ADGB: variants seen among roughly 807,000 people sequenced by gnomAD.
ADGB encodes the protein androglobin.
A neutral mutation model predicts 210.5 loss-of-function variants in ADGB; 172 were observed. That is an observed-to-expected ratio of 0.82 (90% CI 0.72 to 0.93). The LOEUF (loss-of-function observed/expected upper bound fraction) is 0.93, where lower values mean the gene tolerates loss of function less well. Ranked by LOEUF, ADGB falls within the 40% of genes least tolerant of loss-of-function variation. The pLI is 0.00. For synonymous variants in ADGB, 658 were observed against 662.7 expected (o/e 0.99, Z 0.11); for missense variants, 2,025 against 1,964.8 (o/e 1.03, Z -0.58).
chr6:146,761,676 G>A (rs1010587323), intron 27 of ADGB, among the ~76,000 whole-genome samples: 1 of 151,924 alleles, frequency 6.6e-6, no homozygotes, highest in Non-Finnish European at 1.5e-5. Context: ...TTTATTTTTA[G>A]TGGTGCTCTA....
At chr6:146,628,158 C>T (rs1781006178) in intron 1 of ADGB, among the ~76,000 whole-genome samples, 1 of 151,202 alleles carries the variant, frequency 6.6e-6, no homozygotes, top group Admixed American at 6.6e-5. Flanking sequence ...TAATATATCA[C>T]AGGTTTGGAT....
Position 146,726,158 on chromosome 6 carries a change from C to T in ADGB, c.2313C>T (p.Val771=), listed in dbSNP as rs1776891940. The change falls in exon 19 of 36, where the codon GTC becomes GTT. Residue 771 remains valine, a synonymous_variant. Transcript: ENST00000397944. ...SIHICSMVSF[V]IGDEHVVLPN... The stretch of plus-strand genomic sequence containing the variant: ...ACATCTGCAGCATGGTGTCATTTGT[C>T]ATTGGGGATGAACACGTTGTACTGC... 1.9e-6 allele frequency: 3 copies of T among 1,550,044 alleles called. No homozygotes were observed. The highest frequency in any genetic ancestry group is 2.4e-5 in the South Asian group (2 of 83,970).
At chr6:146,803,084 T>C in intron 35 of ADGB, 1 of 1,540,450 alleles carries the variant, frequency 6.5e-7, no homozygotes, top group South Asian at 1.1e-5. Flanking sequence ...AGATATATTG[T>C]TTTTCTTCCT....
At chr6:146,763,768 G>GT (rs1178232289) in intron 27 of ADGB, 133 bp from the exon 28 acceptor site, 3 of 800,964 alleles carry the variant, frequency 3.7e-6, no homozygotes, top group Non-Finnish European at 5.7e-6. Context: ...CAAAAACACT[G>GT]TTTTTTATCT....
intron 2 of ADGB, among the ~76,000 whole-genome samples, chr6:146,644,063 G>A (rs1562263051): frequency 6.6e-6 from 1 of 151,744 alleles, no homozygotes; most frequent in Non-Finnish European, 1.5e-5. Flanking sequence ...GATGGGGAGT[G>A]GGAGCATAGG....
intron 22 of ADGB, among the ~76,000 whole-genome samples, chr6:146,735,035 T>C (rs1022814087): frequency 2.7e-5 from 3 of 110,188 alleles, no homozygotes; most frequent in African/African-American, 1.4e-4. Context: ...AAAAACTTTC[T>C]TGTAAAAAAA....
chr6:146,779,469 A>C (rs1191884145), intron 29 of ADGB, among the ~76,000 whole-genome samples: 2 of 152,218 alleles, frequency 1.3e-5, no homozygotes, highest in African/African-American at 2.4e-5. Flanking sequence ...CACATTCAAG[A>C]AGTTAAACTC....
chr6:146,636,592 G>A (rs1775426272), intron 2 of ADGB, among the ~76,000 whole-genome samples: 1 of 151,518 alleles, frequency 6.6e-6, no homozygotes, highest in South Asian at 2.1e-4. Context: ...TATGGAGAGA[G>A]AGAAAGAGAG....
chr6:146,755,341 C>A (rs1203087085), intron 27 of ADGB, among the ~76,000 whole-genome samples: 1 of 151,994 alleles, frequency 6.6e-6, no homozygotes, highest in Admixed American at 6.6e-5. Context: ...GATTTATAAT[C>A]CAAATTGTAA....
chr6:146,659,288 A>G (rs1026534214), intron 5 of ADGB, among the ~76,000 whole-genome samples: 1 of 152,082 alleles, frequency 6.6e-6, no homozygotes, highest in Non-Finnish European at 1.5e-5. Context: ...TATTACTTCT[A>G]CTTCTTGATT....
chr6:146,685,202 C>A (rs565114602), intron 9 of ADGB, among the ~76,000 whole-genome samples: 6 of 151,954 alleles, frequency 3.9e-5, no homozygotes, highest in African/African-American at 1.4e-4. Flanking sequence ...AAATAAGCAA[C>A]GCTTAAAAGC....
At chr6:146,794,977 A>C (rs1778018485) in intron 33 of ADGB, among the ~76,000 whole-genome samples, 1 of 145,270 alleles carries the variant, frequency 6.9e-6, no homozygotes, top group African/African-American at 2.5e-5. Context: ...TTACTGAATC[A>C]AGGAGTTTAA....
chr6:146,772,438 A>T (rs1004633656), intron 29 of ADGB, among the ~76,000 whole-genome samples: 1 of 124,948 alleles, frequency 8.0e-6, no homozygotes, highest in African/African-American at 2.8e-5. Context: ...TATATATATC[A>T]CACAGCTGGT....
At chr6:146,672,858 G>A (rs564698467) in intron 8 of ADGB, among the ~76,000 whole-genome samples, 30 of 151,714 alleles carry the variant, frequency 2.0e-4, no homozygotes, top group Non-Finnish European at 2.1e-4. Flanking sequence ...AGCCTCCCAA[G>A]TAGCTGGGGT....
Position 146,803,470 on chromosome 6 carries a change from G to C in ADGB, c.4818+1459G>C, listed in dbSNP as rs1583647275. 6 of 1,604,040 alleles carry C rather than the reference G, an allele frequency of 3.7e-6. No individual in the cohort carries two copies. The East Asian group carries it at 1.3e-4, about 36-fold the overall frequency. On this transcript the variant is annotated intron_variant, in intron 35 of 35. Transcript: ENST00000397944. ...CTGTTTTTTTCTGTAACAAAGATTTGGAAAGGGATGATGAACTTTCTTTCT... is the reference window on the plus strand; with the variant it reads ...CTGTTTTTTTCTGTAACAAAGATTTCGAAAGGGATGATGAACTTTCTTTCT...
chr6:146,663,761 A>G (rs1775900051), intron 5 of ADGB, among the ~76,000 whole-genome samples: 2 of 152,120 alleles, frequency 1.3e-5, no homozygotes. Flanking sequence ...GAGAATTGGA[A>G]GTGTAAGATC....
chr6:146,698,507 A>T (rs1018752504), intron 12 of ADGB, among the ~76,000 whole-genome samples: 2 of 152,192 alleles, frequency 1.3e-5, no homozygotes, highest in African/African-American at 4.8e-5. Flanking sequence ...TACTAAAGAT[A>T]TTCTTCAAAT....
chr6:146,775,623 A>G (rs1381893135), intron 29 of ADGB, among the ~76,000 whole-genome samples: 1 of 152,152 alleles, frequency 6.6e-6, no homozygotes, highest in Non-Finnish European at 1.5e-5. Flanking sequence ...ATCTATTTGT[A>G]AAAACAAATA....
At chr6:146,748,465 T>C (rs1401813048) in intron 26 of ADGB, among the ~76,000 whole-genome samples, 1 of 152,172 alleles carries the variant, frequency 6.6e-6, no homozygotes, top group Non-Finnish European at 1.5e-5. Context: ...ACCTGTTTCG[T>C]GACTTTCTCC....
Sources: gnomAD v4.1 joint callset for allele counts (sites outside exome capture counted in the v4.1 genomes callset) on GRCh38, gnomAD v4.1.1 for gene constraint, MANE v1.5 for transcripts, NCBI Gene and HGNC (gene_info 2026-07-23, HGNC 2026-07-21) for gene names.